The following PCLO variants were observed in gnomAD, a reference collection of about 807,000 sequenced individuals.
PCLO encodes the protein protein piccolo.
PCLO carries 82 observed loss-of-function variants against 427.5 expected under a neutral mutation model. The ratio of observed to expected loss-of-function variants is 0.19; its 90% CI spans 0.16 to 0.23. The LOEUF (loss-of-function observed/expected upper bound fraction) is 0.23. PCLO is among the 10% of genes least tolerant of loss of function. PCLO has a pLI of 1.00. For missense variants in PCLO, 6,239 were observed against 6,115.9 expected (o/e 1.02, Z -0.67); for synonymous variants, 2,357 against 2,155.4 (o/e 1.09, Z -2.59).
At chr7:82,970,594 T>C (rs2115696556) in intron 3 of PCLO, among the ~76,000 whole-genome samples, 1 of 151,954 alleles carries the variant, frequency 6.6e-6, no homozygotes, top group African/African-American at 2.4e-5. Context: ...TCTGCAGCCC[T>C]AGAACCAAAA....
In PCLO at chr7:82,757,617, C is replaced by T. The variant is rs1562771776; in HGVS notation, c.*958G>A. The stretch of plus-strand genomic sequence containing the variant: ...CTTTCTCTGTCAATGCATCGCTCAA[C>T]AGAAAGGAAATGTGCAGGATAATAC... On this transcript the variant is annotated 3_prime_UTR_variant, in exon 25 of 25. Transcript: ENST00000333891. 1 of 151,860 alleles carries T rather than the reference C, an allele frequency of 6.6e-6. No homozygotes were observed. Among genetic ancestry groups the T allele is most frequent in the Admixed American group, 6.6e-5 (1 of 15,210 alleles). 9.4% of individuals were successfully genotyped at this position (151,860 alleles called of 1,614,324 possible). A position where few individuals can be genotyped will look rare whatever the true frequency, so the allele number is the denominator to read the frequency against.
rs191639382 is a variant in PCLO, at chr7:82,919,828, A to G, written c.11113-2955T>C. 1.9e-3 allele frequency among the ~76,000 whole-genome samples: 287 copies of G among 152,124 alleles called. 2 individuals are homozygous for G. The highest frequency in any genetic ancestry group is 6.7e-3 in the African/African-American group (280 of 41,548). On this transcript the variant is annotated intron_variant, in intron 6 of 24. Transcript: ENST00000333891. ...TTCTTTTAGATTTTCCCTAAAATAC[A>G]TAACTATTCAATTCACTTAGACAGA...
chr7:82,951,599 C>T (rs1172773824), intron 5 of PCLO, 109 bp from the exon 6 acceptor site: 1 of 875,326 alleles, frequency 1.1e-6, no homozygotes, highest in Non-Finnish European at 1.7e-6. Context: ...GCATGCAAAT[C>T]CACAGGGTAA....
intron 9 of PCLO, among the ~76,000 whole-genome samples, chr7:82,900,094 A>C (rs1419817274): frequency 6.6e-6 from 1 of 151,738 alleles, no homozygotes; most frequent in Non-Finnish European, 1.5e-5. Context: ...CAGTACTTAA[A>C]ATACAGTTTG....
intron 20 of PCLO, among the ~76,000 whole-genome samples, chr7:82,809,692 G>A (rs565999265): frequency 2.0e-5 from 3 of 151,514 alleles, no homozygotes; most frequent in South Asian, 2.1e-4. Flanking sequence ...TTTAAATCAA[G>A]CTTTGTGTTT....
At chr7:83,007,431 C>CA (rs1787973979) in intron 3 of PCLO, among the ~76,000 whole-genome samples, 1 of 73,260 alleles carries the variant, frequency 1.4e-5, no homozygotes, top group Non-Finnish European at 2.9e-5. Context: ...AAAATCATAA[C>CA]TAGACAAATA....
intron 3 of PCLO, among the ~76,000 whole-genome samples, chr7:83,014,681 A>G (rs931396184): frequency 2.6e-5 from 4 of 152,078 alleles, no homozygotes; most frequent in Non-Finnish European, 5.9e-5. Flanking sequence ...GTTCCCAGAC[A>G]TTGACTATTC....
intron 3 of PCLO, among the ~76,000 whole-genome samples, chr7:82,980,608 A>G (rs1433135604): frequency 6.6e-6 from 1 of 152,204 alleles, no homozygotes; most frequent in Non-Finnish European, 1.5e-5. Flanking sequence ...TTTTTAACAC[A>G]TAGCTGGTTT....
Position 83,125,414 on chromosome 7 carries a change from G to A in PCLO, c.3300+8836C>T, listed in dbSNP as rs558206083. 1.4e-3 allele frequency among the ~76,000 whole-genome samples: 218 copies of A among 152,350 alleles called. 1 individual carries two copies. Among genetic ancestry groups the A allele is most frequent in the African/African-American group, 4.7e-3 (196 of 41,586 alleles). On this transcript the variant is annotated intron_variant, in intron 3 of 24. Transcript: ENST00000333891. Reference sequence around the variant, plus strand: ...GGACCCAACAGCTCATTGAGAACGGGCCATGATGACGATGGTGGTTTTGTC... The same window carrying A: ...GGACCCAACAGCTCATTGAGAACGGACCATGATGACGATGGTGGTTTTGTC...
At chr7:82,840,110 G>A (rs551619344) in intron 14 of PCLO, among the ~76,000 whole-genome samples, 31 of 152,106 alleles carry the variant, frequency 2.0e-4, no homozygotes, top group African/African-American at 7.5e-4. Flanking sequence ...AAAAATAGTA[G>A]GAAAGAGAAA....
chr7:83,157,547 T>C (rs77201258), intron 1 of PCLO, among the ~76,000 whole-genome samples: 2,132 of 151,914 alleles, frequency 0.014, 71 homozygotes, highest in African/African-American at 0.049. Flanking sequence ...CTTGGAAACA[T>C]GATACATTTT....
chr7:82,847,109 A>C, intron 11 of PCLO, 30 bp downstream of exon 11: 2 of 1,291,214 alleles, frequency 1.5e-6, no homozygotes, highest in Non-Finnish European at 2.2e-6. Flanking sequence ...TAGCCAAAAA[A>C]TGGAAACAGA....
chr7:82,803,265 G>A (rs762386063), intron 21 of PCLO, among the ~76,000 whole-genome samples: 2 of 152,046 alleles, frequency 1.3e-5, no homozygotes, highest in African/African-American at 4.8e-5. Context: ...TTGTTGCTGA[G>A]CCAAACTCTA....
intron 2 of PCLO, among the ~76,000 whole-genome samples, chr7:83,138,145 T>G (rs1472817396): frequency 6.6e-6 from 1 of 152,190 alleles, no homozygotes; most frequent in Non-Finnish European, 1.5e-5. Context: ...CTTACATGTA[T>G]AGTCACTGAC....
intron 3 of PCLO, among the ~76,000 whole-genome samples, chr7:83,096,895 ATT>A (rs1790568748): frequency 1.7e-5 from 1 of 59,392 alleles, no homozygotes; most frequent in African/African-American, 9.2e-5. Context: ...TATATAATAT[ATT>A]AATATTATAT....
chr7:82,828,017 G>T, intron 16 of PCLO, 51 bp from the exon 17 acceptor site: 1 of 1,001,274 alleles, frequency 1.0e-6, no homozygotes, highest in South Asian at 1.3e-5. Context: ...CTTAGTTTAT[G>T]ACTTCACAGT....
At chr7:82,898,901 A>G (rs1793970239) in intron 9 of PCLO, among the ~76,000 whole-genome samples, 1 of 151,468 alleles carries the variant, frequency 6.6e-6, no homozygotes, top group South Asian at 2.1e-4. Context: ...ACACTTAGCT[A>G]ATTTTGAAGC....
rs74332438 is a variant in PCLO, at chr7:82,814,916, A to G, written c.14791+7579T>C. 1.2e-4 allele frequency among the ~76,000 whole-genome samples: 19 copies of G among 152,092 alleles called. No individual in the cohort carries two copies. The East Asian group carries it at 3.7e-3, about 29-fold the overall frequency. On this transcript the variant is annotated intron_variant, in intron 20 of 24. Transcript: ENST00000333891. ...GTCATGGAAATGAAGTACTGTGAAA[A>G]ATGAGAAGAAACTGATTAGCATCAG...
Position 82,808,560 on chromosome 7 carries a change from C to A in PCLO, c.14792-2731G>T, listed in dbSNP as rs557773518. Among the ~76,000 whole-genome samples, 89 of 151,782 alleles carry A rather than the reference C, an allele frequency of 5.9e-4. No homozygotes were observed. The South Asian group carries it at 0.018, about 30-fold the overall frequency. On this transcript the variant is annotated intron_variant, in intron 20 of 24. Coordinates refer to ENST00000333891, the MANE Select transcript of PCLO (RefSeq NM_033026.6). ...TTGAATAGAATTCTCATTTTGAAAG[C>A]CTGTGCAAGTGTTGTCAATATTTTA... is the stretch of plus-strand genomic sequence containing the variant.
Sources: gnomAD v4.1 joint callset for allele counts (sites outside exome capture counted in the v4.1 genomes callset) on GRCh38, gnomAD v4.1.1 for gene constraint, MANE v1.5 for transcripts, NCBI Gene and HGNC (gene_info 2026-07-23, HGNC 2026-07-21) for gene names.